The following PAPOLG variants were observed in gnomAD, a reference collection of about 807,000 sequenced individuals.
PAPOLG encodes PAP-gamma.
Under a neutral mutation model 99.0 loss-of-function variants are expected in PAPOLG, and 40 were observed. That is an observed-to-expected ratio of 0.40 (90% CI 0.31 to 0.53). The LOEUF is 0.53. Ranked by LOEUF, PAPOLG falls within the 20% of genes least tolerant of loss-of-function variation. PAPOLG has a pLI of 0.41. For synonymous variants in PAPOLG, 310 were observed against 299.3 expected (o/e 1.04, Z -0.37); for missense variants, 675 against 884.1 (o/e 0.76, Z 3.00).
chr2:60,795,265 C>G (rs1230773360), intron 21 of PAPOLG: 1 of 619,078 alleles, frequency 1.6e-6, no homozygotes, highest in Non-Finnish European at 3.0e-6. Flanking sequence ...AGATTATGTT[C>G]ACCCTTTGTT....
intron 10 of PAPOLG, 120 bp from the exon 11 acceptor site, chr2:60,781,765 T>C (rs1409694101): frequency 3.6e-6 from 5 of 1,382,550 alleles, no homozygotes; most frequent in Non-Finnish European, 4.0e-6. Flanking sequence ...AATGTACTTC[T>C]TAAACTTGAG....
rs775724448 is a variant in PAPOLG, at chr2:60,756,303, G to A, written c.-176G>A. ...GCCGCGCTGTATTGTCATAAATAGA[G>A]CCGGTTTTGTGGTGTTTTCACTACT... On this transcript the variant is annotated 5_prime_UTR_variant, in exon 1 of 22. Coordinates refer to ENST00000238714, the MANE Select transcript of PAPOLG (RefSeq NM_022894.4). 2.7e-5 allele frequency: 20 copies of A among 746,782 alleles called. No homozygotes were observed. The highest frequency in any genetic ancestry group is 2.9e-4 in the Middle Eastern group (1 of 3,424). The allele number at this position is 746,782 out of a possible 1,614,324, so 46.3% of individuals were successfully genotyped here. A position where few individuals can be genotyped will look rare whatever the true frequency, so the allele number is the denominator to read the frequency against.
chr2:60,768,440 T>A (rs764509315), intron 3 of PAPOLG, 30 bp from the exon 4 acceptor site: 2 of 1,608,996 alleles, frequency 1.2e-6, no homozygotes, highest in South Asian at 1.1e-5. Flanking sequence ...ATTTGAATAA[T>A]TGAATGTCTT....
At chr2:60,792,020 A>G in intron 16 of PAPOLG, 109 bp from the exon 17 acceptor site, 1 of 1,449,874 alleles carries the variant, frequency 6.9e-7, no homozygotes, top group East Asian at 2.3e-5. Flanking sequence ...CTAAAATCTC[A>G]TTTTCATTAA....
At chr2:60,782,168 G>A (rs918827393) in intron 11 of PAPOLG, among the ~76,000 whole-genome samples, 163 bp downstream of exon 11, 11 of 152,100 alleles carry the variant, frequency 7.2e-5, no homozygotes, top group African/African-American at 2.4e-4. Flanking sequence ...GTTTTCAAAA[G>A]TATATGATAA....
At chr2:60,756,631 G>C in intron 1 of PAPOLG, 136 bp downstream of exon 1, 2 of 1,003,562 alleles carry the variant, frequency 2.0e-6, no homozygotes, top group Non-Finnish European at 2.9e-6. Context: ...CCCGGCTCCC[G>C]GCCGGTCCGC....
intron 2 of PAPOLG, among the ~76,000 whole-genome samples, chr2:60,760,728 C>T (rs1670497782): frequency 6.6e-6 from 1 of 152,098 alleles, no homozygotes; most frequent in South Asian, 2.1e-4. Flanking sequence ...AAAATATAGG[C>T]TTAATGAAAG....
chr2:60,792,414 C>A, intron 17 of PAPOLG, 125 bp downstream of exon 17: 1 of 936,392 alleles, frequency 1.1e-6, no homozygotes, highest in Non-Finnish European at 1.6e-6. Flanking sequence ...TTACTGGCTG[C>A]TGGTCAATTT....
chr2:60,776,495 T>C (rs1359601549), intron 8 of PAPOLG, among the ~76,000 whole-genome samples: 8 of 143,626 alleles, frequency 5.6e-5, no homozygotes, highest in Admixed American at 1.4e-4. Flanking sequence ...TGGCGCGATC[T>C]CAGCTCACGG....
chr2:60,795,058 G>GT lies in PAPOLG; in HGVS notation c.2112+39dup, dbSNP rs764593163. ...TCTTGTTCATAGGTACAGTACATAG[G>GT]TAAAAACTCATAGGTAATCTACAAG... On this transcript the variant is annotated intron_variant, in intron 21 of 21. Coordinates refer to ENST00000238714, the MANE Select transcript of PAPOLG (RefSeq NM_022894.4). 16 of 1,523,862 alleles carry GT rather than the reference G, an allele frequency of 1.0e-5. No homozygotes were observed. The Admixed American group carries it at 1.5e-4, about 14-fold the overall frequency. 94.4% of individuals were successfully genotyped at this position (1,523,862 alleles called of 1,614,324 possible).
At chr2:60,780,444 T>A (rs1167491786) in intron 9 of PAPOLG, among the ~76,000 whole-genome samples, 1 of 151,994 alleles carries the variant, frequency 6.6e-6, no homozygotes, top group Non-Finnish European at 1.5e-5. Flanking sequence ...CATGGCTAAT[T>A]TTTGTGTTTT....
rs1413279997 is a variant in PAPOLG at position 60,797,993 on chromosome 2, G to A, written c.*833G>A. The stretch of plus-strand genomic sequence containing the variant: ...TTCATGCCATTCTTGTTAGTTGACT[G>A]GTATTTTTTACTGAGGAGCAACTCA... On this transcript the variant is annotated 3_prime_UTR_variant, in exon 22 of 22. Transcript: ENST00000238714. 1 of 152,716 alleles carries A rather than the reference G, an allele frequency of 6.5e-6. No individual in the cohort carries two copies. Among genetic ancestry groups the A allele is most frequent in the Admixed American group, 6.5e-5 (1 of 15,274 alleles). 9.5% of individuals were successfully genotyped at this position (152,716 alleles called of 1,614,324 possible). A position where few individuals can be genotyped will look rare whatever the true frequency, so the allele number is the denominator to read the frequency against.
chr2:60,793,491 G>A, intron 17 of PAPOLG, 136 bp from the exon 18 acceptor site: 1 of 957,970 alleles, frequency 1.0e-6, no homozygotes, highest in Non-Finnish European at 1.5e-6. Flanking sequence ...TTGAGTCCAG[G>A]AGGTTGAGGC....
intron 1 of PAPOLG, among the ~76,000 whole-genome samples, chr2:60,757,460 G>A (rs1327387352): frequency 6.6e-6 from 1 of 151,944 alleles, no homozygotes; most frequent in Non-Finnish European, 1.5e-5. Context: ...GTTTTTTAAT[G>A]CTATTACTAC....
At chr2:60,783,100 C>G (rs1328824648) in intron 12 of PAPOLG, 56 bp from the exon 13 acceptor site, 2 of 1,444,966 alleles carry the variant, frequency 1.4e-6, no homozygotes, top group Non-Finnish European at 1.9e-6. Flanking sequence ...GATTAAAAAG[C>G]AGGCTGTAAC....
At chr2:60,782,072 G>A (rs1430411439) in intron 11 of PAPOLG, 67 bp downstream of exon 11, 1 of 1,489,670 alleles carries the variant, frequency 6.7e-7, no homozygotes, top group African/African-American at 1.4e-5. Context: ...TTTATTCTCT[G>A]TTGCAGCTAT....
At chr2:60,774,971 AG>A in intron 7 of PAPOLG, 62 bp from the exon 8 acceptor site, 2 of 1,602,266 alleles carry the variant, frequency 1.2e-6, no homozygotes, top group African/African-American at 1.3e-5. Flanking sequence ...GGAAGTTAGG[AG>A]GGCATTTGAA....
chr2:60,795,258 T>A (rs1251828558), intron 21 of PAPOLG: 1 of 629,686 alleles, frequency 1.6e-6, no homozygotes, highest in Non-Finnish European at 2.9e-6. Flanking sequence ...TCTATTTAGA[T>A]TATGTTCACC....
Position 60,756,426 on chromosome 2 carries a change from G to C in PAPOLG, c.-53G>C, listed in dbSNP as rs1573210120. On this transcript the variant is annotated 5_prime_UTR_variant, in exon 1 of 22. Transcript: ENST00000238714. ...GAACAGGGGGAGAAGGGAACAGCAA[G>C]AACAGGACTCCAGAGCGATAAACAC... 6.2e-7 allele frequency: 1 copy of C among 1,608,722 alleles called. No individual in the cohort carries two copies. The highest frequency in any genetic ancestry group is 2.2e-5 in the East Asian group (1 of 44,498).
Sources: allele counts gnomAD v4.1 joint callset (sites outside exome capture counted in the v4.1 genomes callset), GRCh38; gene constraint gnomAD v4.1.1; transcripts MANE v1.5; gene names NCBI Gene and HGNC (gene_info 2026-07-23, HGNC 2026-07-21).